CNTNAP2: variants seen among roughly 807,000 people sequenced by gnomAD.
The protein encoded by CNTNAP2 is contactin-associated protein-like 2.
Under a neutral mutation model 155.2 loss-of-function variants are expected in CNTNAP2, and 98 were observed. The ratio of observed to expected loss-of-function variants is 0.63; its 90% CI spans 0.54 to 0.75. The LOEUF (loss-of-function observed/expected upper bound fraction) is 0.75, where lower values mean the gene tolerates loss of function less well. CNTNAP2 is among the 30% of genes least tolerant of loss of function. The probability of loss-of-function intolerance (pLI) is 0.00; values close to 1 mark genes in which losing one functional copy is unlikely to be tolerated. For missense variants in CNTNAP2, 1,727 were observed against 1,688.1 expected (o/e 1.02, Z -0.40); for synonymous variants, 651 against 631.2 (o/e 1.03, Z -0.47).
chr7:146,412,206 G>A (rs1280554314), intron 1 of CNTNAP2, among the ~76,000 whole-genome samples: 5 of 152,140 alleles, frequency 3.3e-5, no homozygotes, highest in Non-Finnish European at 2.9e-5. Flanking sequence ...CCTGCAGGTC[G>A]GCTCCTGTTA....
intron 1 of CNTNAP2, among the ~76,000 whole-genome samples, chr7:146,398,602 T>C (rs1007891449): frequency 7.2e-5 from 11 of 152,156 alleles, no homozygotes; most frequent in Non-Finnish European, 1.3e-4. Context: ...ATCATGAAGC[T>C]AAACACTTCT....
At chr7:147,145,570 C>T (rs984036346) in intron 8 of CNTNAP2, among the ~76,000 whole-genome samples, 1 of 152,136 alleles carries the variant, frequency 6.6e-6, no homozygotes, top group Non-Finnish European at 1.5e-5. Flanking sequence ...CTCCCACCCA[C>T]CCCACTCCAC....
intron 11 of CNTNAP2, among the ~76,000 whole-genome samples, chr7:147,542,562 A>T (rs1310472606): frequency 6.6e-6 from 1 of 152,206 alleles, no homozygotes; most frequent in African/African-American, 2.4e-5. Context: ...TAGGGCATAT[A>T]TGTTCACATA....
intron 16 of CNTNAP2, among the ~76,000 whole-genome samples, chr7:148,136,033 G>GA (rs1804939716): frequency 1.5e-5 from 1 of 67,382 alleles, no homozygotes; most frequent in African/African-American, 7.0e-5. Flanking sequence ...GGGAGGGAGG[G>GA]AGGGAGGGAG....
intron 1 of CNTNAP2, among the ~76,000 whole-genome samples, chr7:146,265,005 C>T (rs968759067): frequency 1.3e-5 from 2 of 152,114 alleles, no homozygotes; most frequent in African/African-American, 4.8e-5. Flanking sequence ...TACTTTAATA[C>T]TTTAGGGGCT....
rs540809754 is a variant in CNTNAP2, at chr7:147,881,265, A to C, written c.2099-22300A>C. On this transcript the variant is annotated intron_variant, in intron 13 of 23. Transcript: ENST00000361727. ...GTATATGTAGCACCACCAAATGCAG[A>C]AATCTATTAAATTGTTAAGAATATG... 4.6e-5 allele frequency among the ~76,000 whole-genome samples: 7 copies of C among 152,342 alleles called. No individual in the cohort carries two copies. In the East Asian group the frequency reaches 1.3e-3, roughly 29 times the overall value.
At chr7:146,959,506 G>A (rs906814701) in intron 3 of CNTNAP2, among the ~76,000 whole-genome samples, 13 of 151,796 alleles carry the variant, frequency 8.6e-5, no homozygotes, top group Non-Finnish European at 1.8e-4. Context: ...GATCACTTGA[G>A]GTCAGGAGTT....
chr7:146,849,060 G>A (rs1190940324), intron 3 of CNTNAP2, among the ~76,000 whole-genome samples: 1 of 151,918 alleles, frequency 6.6e-6, no homozygotes, highest in Non-Finnish European at 1.5e-5. Context: ...GGATTATAGG[G>A]GTGAGCCACT....
chr7:148,358,446 G>A (rs917120995), intron 21 of CNTNAP2, among the ~76,000 whole-genome samples: 1 of 152,158 alleles, frequency 6.6e-6, no homozygotes, highest in African/African-American at 2.4e-5. Context: ...TGAGAATGTG[G>A]AGATTGCATG....
chr7:146,759,400 T>A (rs1295659547), intron 1 of CNTNAP2, among the ~76,000 whole-genome samples: 3 of 151,922 alleles, frequency 2.0e-5, no homozygotes, highest in East Asian at 3.9e-4. Context: ...TTATATTTTT[T>A]AAAAAATGGT....
Position 147,560,168 on chromosome 7 carries a change from C to CAAAAAAAAAAA in CNTNAP2, c.1778-1957_1778-1947dup, listed in dbSNP as rs71183016. ...GGGCAACAAGAACGAAACTCCGTCT[C>CAAAAAAAAAAA]AAAAAAAAAAAAAAAAAAAAAAATT... is the stretch of plus-strand genomic sequence containing the variant. On this transcript the variant is annotated intron_variant, in intron 11 of 23. Transcript: ENST00000361727. Among the ~76,000 whole-genome samples, 136 of 52,818 alleles carry CAAAAAAAAAAA rather than the reference C, an allele frequency of 2.6e-3. 9 individuals carry two copies. The highest frequency in any genetic ancestry group is 8.7e-3 in the African/African-American group (125 of 14,302). 34.7% of individuals were successfully genotyped at this position (52,818 alleles called of 152,430 possible). A position where few individuals can be genotyped will look rare whatever the true frequency, so the allele number is the denominator to read the frequency against.
intron 11 of CNTNAP2, among the ~76,000 whole-genome samples, chr7:147,535,444 T>A (rs948934238): frequency 5.3e-5 from 8 of 151,968 alleles, no homozygotes; most frequent in Non-Finnish European, 8.8e-5. Context: ...ACCAGCTGTG[T>A]CAAAATCAAC....
chr7:146,819,817 C>G (rs970340047), intron 2 of CNTNAP2, among the ~76,000 whole-genome samples: 2 of 152,098 alleles, frequency 1.3e-5, no homozygotes, highest in African/African-American at 4.8e-5. Context: ...AGCCTTGATT[C>G]CTTCTTTTCA....
At chr7:146,143,309 G>T (rs549201251) in intron 1 of CNTNAP2, among the ~76,000 whole-genome samples, 8 of 152,100 alleles carry the variant, frequency 5.3e-5, no homozygotes, top group South Asian at 4.1e-4. Context: ...TTCTGAAGTC[G>T]CAAGTGAGCA....
At chr7:147,609,959 T>C (rs1209957060) in intron 12 of CNTNAP2, among the ~76,000 whole-genome samples, 3 of 152,082 alleles carry the variant, frequency 2.0e-5, no homozygotes, top group Non-Finnish European at 2.9e-5. Context: ...ACCTCCAGGC[T>C]CCCCTCTTGT....
intron 8 of CNTNAP2, among the ~76,000 whole-genome samples, chr7:147,147,805 A>G (rs1023364600): frequency 1.3e-5 from 2 of 152,100 alleles, no homozygotes; most frequent in East Asian, 1.9e-4. Context: ...TTGCTCTTTG[A>G]TCGCTACAAA....
In CNTNAP2 at chr7:147,950,364, C is replaced by CAAAAAAAAAAAAAAAAAAAA. The variant is rs386411606; in HGVS notation, c.2256-27488_2256-27469dup. The stretch of plus-strand genomic sequence containing the variant: ...AGCTTAAGCTATACACATAGAGAGG[C>CAAAAAAAAAAAAAAAAAAAA]AAAAAAAAAAAAAAAAAAAAAAAAA... On this transcript the variant is annotated intron_variant, in intron 14 of 23. Transcript: ENST00000361727. Among the ~76,000 whole-genome samples the CAAAAAAAAAAAAAAAAAAAA allele has an allele frequency of 3.0e-4, 17 of 55,782 alleles. 2 individuals are homozygous for CAAAAAAAAAAAAAAAAAAAA. The highest frequency in any genetic ancestry group is 2.9e-3 in the East Asian group (3 of 1,040). 36.6% of individuals were successfully genotyped at this position (55,782 alleles called of 152,430 possible). A position where few individuals can be genotyped will look rare whatever the true frequency, so the allele number is the denominator to read the frequency against.
chr7:146,372,669 C>T (rs576375395), intron 1 of CNTNAP2, among the ~76,000 whole-genome samples: 22 of 152,172 alleles, frequency 1.4e-4, no homozygotes, highest in African/African-American at 5.1e-4. Context: ...CCTAGACGTA[C>T]CCTAAATGAA....
At chr7:147,059,890 G>A (rs1353030112) in intron 4 of CNTNAP2, among the ~76,000 whole-genome samples, 2 of 151,984 alleles carry the variant, frequency 1.3e-5, no homozygotes, top group African/African-American at 2.4e-5. Flanking sequence ...CAGATTCATA[G>A]AAAGAATGGT....
Sources: gnomAD v4.1 joint callset for allele counts (sites outside exome capture counted in the v4.1 genomes callset) on GRCh38, gnomAD v4.1.1 for gene constraint, MANE v1.5 for transcripts, NCBI Gene and HGNC (gene_info 2026-07-23, HGNC 2026-07-21) for gene names.